ICMT: variants seen among roughly 807,000 people sequenced by gnomAD.
The protein encoded by ICMT is protein-S-isoprenylcysteine O-methyltransferase.
ICMT carries 10 observed loss-of-function variants against 32.2 expected under a neutral mutation model. The ratio of observed to expected loss-of-function variants is 0.31; its 90% confidence interval spans 0.19 to 0.53. ICMT has a LOEUF of 0.53. Among genes scored for constraint, ICMT ranks in the 20% least tolerant of loss-of-function variants. ICMT has a pLI of 0.96. For missense variants in ICMT, 265 were observed against 356.9 expected (o/e 0.74, Z 2.07); for synonymous variants, 183 against 158.2 (o/e 1.16, Z -1.18).
At chr1:6,227,772 C>T (rs1296522411) in intron 4 of ICMT, among the ~76,000 whole-genome samples, 10 of 152,050 alleles carry the variant, frequency 6.6e-5, no homozygotes, top group South Asian at 2.1e-4. Flanking sequence ...AGGAGAATGG[C>T]GTGAACCCAG....
Position 6,221,617 on chromosome 1 carries a change from C to G in ICMT, c.*3463G>C, listed in dbSNP as rs1049976988. 6.5e-6 allele frequency: 1 copy of G among 152,676 alleles called. No individual in the cohort carries two copies. The highest frequency in any genetic ancestry group is 1.5e-5 in the Non-Finnish European group (1 of 68,052). The allele number at this position is 152,676 out of a possible 1,614,324, so 9.5% of individuals were successfully genotyped here. ...TTGGCGAGATCTTACAAAGCCTGAT[C>G]GGCTAACGCAGCTTCCTGGTTTAGG... On this transcript the variant is annotated 3_prime_UTR_variant, in exon 5 of 5. Coordinates refer to ENST00000343813, the MANE Select transcript of ICMT (RefSeq NM_012405.4).
chr1:6,233,665 G>A, intron 2 of ICMT, 22 bp from the exon 3 acceptor site: 1 of 1,600,330 alleles, frequency 6.2e-7, no homozygotes, highest in South Asian at 1.1e-5. Context: ...CAAAAAGAGA[G>A]TTAAGTTGGG....
rs538458408 is a variant in ICMT at position 6,234,709 on chromosome 1, G to A, written c.284+177C>T. On this transcript the variant is annotated intron_variant, in intron 2 of 4. Transcript: ENST00000343813. ...TGATTCACAATCAACCCACAGGCAC[G>A]AAATCACAAGGGCTGAAATGTGAGC... is the stretch of plus-strand genomic sequence containing the variant. Among the ~76,000 whole-genome samples, 15 of 152,246 alleles carry A rather than the reference G, an allele frequency of 9.9e-5. No individual in the cohort carries two copies. The South Asian group carries it at 3.1e-3, about 32-fold the overall frequency.
chr1:6,229,237 G>A (rs1254717653), intron 4 of ICMT, among the ~76,000 whole-genome samples: 1 of 152,158 alleles, frequency 6.6e-6, no homozygotes, highest in Non-Finnish European at 1.5e-5. Flanking sequence ...CCAACGCTTT[G>A]GGAGGCCAAG....
intron 4 of ICMT, among the ~76,000 whole-genome samples, chr1:6,227,114 T>C (rs565030687): frequency 2.3e-4 from 35 of 152,338 alleles, no homozygotes; most frequent in Admixed American, 1.7e-3. Context: ...AAACAGTAAG[T>C]GTAAGTATTA....
At chr1:6,233,372 C>A in intron 3 of ICMT, 102 bp downstream of exon 3, 1 of 1,083,546 alleles carries the variant, frequency 9.2e-7, no homozygotes, top group South Asian at 1.5e-5. Flanking sequence ...CGGAAAATCG[C>A]TTGGGGGAGA....
intron 3 of ICMT, among the ~76,000 whole-genome samples, chr1:6,232,487 A>T (rs1470485894): frequency 6.6e-6 from 1 of 152,216 alleles, no homozygotes; most frequent in Non-Finnish European, 1.5e-5. Flanking sequence ...GAATCCCAGG[A>T]GCCACATGTA....
intron 4 of ICMT, among the ~76,000 whole-genome samples, chr1:6,229,647 G>C (rs1329489802): frequency 6.6e-6 from 1 of 152,072 alleles, no homozygotes; most frequent in Non-Finnish European, 1.5e-5. Flanking sequence ...CAGATACTTA[G>C]GAGACTAAGG....
Position 6,235,918 on chromosome 1 carries a change from G to T in ICMT, c.-7C>A. 1 of 1,080,456 alleles carries T rather than the reference G, an allele frequency of 9.3e-7. No individual in the cohort carries two copies. Among genetic ancestry groups the T allele is most frequent in the Non-Finnish European group, 1.1e-6 (1 of 892,846 alleles). The allele number at this position is 1,080,456 out of a possible 1,614,324, so 66.9% of individuals were successfully genotyped here. A position where few individuals can be genotyped will look rare whatever the true frequency, so the allele number is the denominator to read the frequency against. On this transcript the variant is annotated 5_prime_UTR_variant, in exon 1 of 5. Transcript: ENST00000343813. ...GCGCCGCGCAGCCCGCCATGGCGCCGGGCGGCGGACTAGCGGGCGGCGGCG... is the reference window on the plus strand; with the variant it reads ...GCGCCGCGCAGCCCGCCATGGCGCCTGGCGGCGGACTAGCGGGCGGCGGCG...
chr1:6,234,746 A>T (rs1402993674), intron 2 of ICMT, 140 bp downstream of exon 2: 2 of 702,098 alleles, frequency 2.8e-6, no homozygotes, highest in Non-Finnish European at 5.0e-6. Context: ...ACTAGGGGGA[A>T]GCCAGGAGAC....
Position 6,235,824 on chromosome 1 carries a change from G to A in ICMT, c.88C>T (p.Leu30=). The A allele has an allele frequency of 7.7e-7, 1 of 1,302,476 alleles. No homozygotes were observed. The highest frequency in any genetic ancestry group is 9.8e-7 in the Non-Finnish European group (1 of 1,015,938). The allele number at this position is 1,302,476 out of a possible 1,614,324, so 80.7% of individuals were successfully genotyped here. ...TFLLGASVLA[L]PLLTRAGLQG... Reference sequence around the variant, plus strand: ...AGGCCGGCGCGCGTGAGCAGCGGCAGCGCGAGCACCGAGGCGCCCAGCAGG... The same window carrying A: ...AGGCCGGCGCGCGTGAGCAGCGGCAACGCGAGCACCGAGGCGCCCAGCAGG... Residue 30 remains leucine (L), a synonymous_variant, in exon 1 of 5, where the codon CTG becomes TTG. Coordinates refer to ENST00000343813, the MANE Select transcript of ICMT (RefSeq NM_012405.4).
chr1:6,227,419 C>G (rs1334702123), intron 4 of ICMT, among the ~76,000 whole-genome samples: 1 of 152,230 alleles, frequency 6.6e-6, no homozygotes, highest in Non-Finnish European at 1.5e-5. Flanking sequence ...CCATGCATTG[C>G]TGATGGGATG....
At chr1:6,229,739 C>T (rs1668701112) in intron 4 of ICMT, among the ~76,000 whole-genome samples, 1 of 149,832 alleles carries the variant, frequency 6.7e-6, no homozygotes, top group African/African-American at 2.5e-5. Context: ...GGTGAGAGAC[C>T]CTGCCTCAAA....
chr1:6,222,172 G>C lies in ICMT; in HGVS notation c.*2908C>G, dbSNP rs984651446. The C allele has an allele frequency of 6.6e-6, 1 of 152,322 alleles. No homozygotes were observed. Among genetic ancestry groups the C allele is most frequent in the Non-Finnish European group, 1.5e-5 (1 of 68,110 alleles). 9.4% of individuals were successfully genotyped at this position (152,322 alleles called of 1,614,324 possible). A position where few individuals can be genotyped will look rare whatever the true frequency, so the allele number is the denominator to read the frequency against. ...GTGGTGGCTCACGCCTGTAATCCCA[G>C]CACTTTGGGAGGCCGAGGCGCGTGG... On this transcript the variant is annotated 3_prime_UTR_variant, in exon 5 of 5. Coordinates refer to ENST00000343813, the MANE Select transcript of ICMT (RefSeq NM_012405.4).
intron 4 of ICMT, among the ~76,000 whole-genome samples, chr1:6,231,200 A>G (rs114841921): frequency 1.4e-4 from 21 of 152,204 alleles, no homozygotes; most frequent in African/African-American, 4.8e-4. Flanking sequence ...AGAAAAGAAA[A>G]GAAACGAAAC....
Position 6,233,464 on chromosome 1 carries a change from G to T in ICMT, c.454+10C>A, listed in dbSNP as rs1381427372. ...TTTCCCCTCCAGAGGGGGACATAAG[G>T]CACACGAACCTGGCCAAAAGATATT... On this transcript the variant is annotated intron_variant, in intron 3 of 4. Transcript: ENST00000343813. 1.2e-6 allele frequency: 2 copies of T among 1,611,306 alleles called. No homozygotes were observed. Among genetic ancestry groups the T allele is most frequent in the East Asian group, 4.5e-5 (2 of 44,858 alleles).
In ICMT at chr1:6,235,789, G is replaced by A. The variant is rs1395109155; in HGVS notation, c.123C>T (p.Arg41=). 4 of 1,336,248 alleles carry A rather than the reference G, an allele frequency of 3.0e-6. No homozygotes were observed. The highest frequency in any genetic ancestry group is 3.9e-6 in the Non-Finnish European group (4 of 1,034,822). The allele number at this position is 1,336,248 out of a possible 1,614,324, so 82.8% of individuals were successfully genotyped here. A position where few individuals can be genotyped will look rare whatever the true frequency, so the allele number is the denominator to read the frequency against. ...PLLTRAGLQG[R]TGLALYVAGL... is the part of the protein sequence containing the mutation. ...CGGCCACGTAGAGCGCCAGCCCGGT[G>A]CGGCCCTGCAGGCCGGCGCGCGTGA... Residue 41 remains arginine, a synonymous_variant, in exon 1 of 5, where the codon CGC becomes CGT. Transcript: ENST00000343813.
rs1668584172 is a variant in ICMT, at chr1:6,223,100, T to TG, written c.*1979_*1980insC. 1 of 152,180 alleles carries TG rather than the reference T, an allele frequency of 6.6e-6. No homozygotes were observed. Among genetic ancestry groups the TG allele is most frequent in the African/African-American group, 2.4e-5 (1 of 41,406 alleles). The allele number at this position is 152,180 out of a possible 1,614,324, so 9.4% of individuals were successfully genotyped here. The stretch of plus-strand genomic sequence containing the variant: ...GGGCCGATGGGCAAGTCCGTCCGGT[T>TG]TTTTTTGTTGTTGTTGTTGTTTTTT... On this transcript the variant is annotated 3_prime_UTR_variant, in exon 5 of 5. Coordinates refer to ENST00000343813, the MANE Select transcript of ICMT (RefSeq NM_012405.4).
chr1:6,232,229 T>C (rs575226656), intron 3 of ICMT, 110 bp from the exon 4 acceptor site: 1 of 721,562 alleles, frequency 1.4e-6, no homozygotes, highest in East Asian at 2.7e-5. Context: ...ACAGAAAATG[T>C]GCTGCTGGGC....
Sources: gnomAD v4.1 joint callset for allele counts (sites outside exome capture counted in the v4.1 genomes callset) on GRCh38, gnomAD v4.1.1 for gene constraint, MANE v1.5 for transcripts, NCBI Gene and HGNC (gene_info 2026-07-23, HGNC 2026-07-21) for gene names.